Variants in PLEKHH2 observed in about 807,000 individuals in gnomAD.
PLEKHH2 encodes the protein pleckstrin homology domain-containing family H member 2.
In PLEKHH2, 129 loss-of-function variants were observed where a neutral mutation model predicts 187.9. The observed-to-expected ratio is 0.69, with a 90% CI of 0.59 to 0.79. The LOEUF (loss-of-function observed/expected upper bound fraction) is 0.79, where lower values mean the gene tolerates loss of function less well. PLEKHH2 is among the 30% of genes least tolerant of loss of function. PLEKHH2 has a pLI of 0.00. For synonymous variants in PLEKHH2, 686 were observed against 605.6 expected, an observed-to-expected ratio of 1.13 and a Z score of -1.95; for missense variants, 2,076 against 1,751.2, an observed-to-expected ratio of 1.19 and a Z score of -3.31.
chr2:43,692,042 T>C (rs963024435), intron 3 of PLEKHH2, among the ~76,000 whole-genome samples: 1 of 152,214 alleles, frequency 6.6e-6, no homozygotes, highest in African/African-American at 2.4e-5. Context: ...TTAAGGTTGT[T>C]TTCCCACCCC....
intron 15 of PLEKHH2, among the ~76,000 whole-genome samples, chr2:43,717,364 G>C (rs967471101): frequency 6.6e-6 from 1 of 152,174 alleles, no homozygotes; most frequent in African/African-American, 2.4e-5. Flanking sequence ...GTTGCAGTGA[G>C]CCAAGATTGT....
chr2:43,714,300 A>G (rs1427512216), intron 15 of PLEKHH2, among the ~76,000 whole-genome samples: 1 of 152,178 alleles, frequency 6.6e-6, no homozygotes, highest in Non-Finnish European at 1.5e-5. Flanking sequence ...CCCATTTCAC[A>G]ATTGCATTTT....
intron 3 of PLEKHH2, among the ~76,000 whole-genome samples, chr2:43,687,921 T>A (rs555391132): frequency 3.9e-5 from 6 of 152,266 alleles, no homozygotes; most frequent in Non-Finnish European, 7.4e-5. Context: ...TTCGGCCTTT[T>A]GAGTAGCTGG....
intron 28 of PLEKHH2, among the ~76,000 whole-genome samples, chr2:43,763,586 A>ATT (rs541418802): frequency 1.4e-4 from 18 of 130,352 alleles, no homozygotes; most frequent in African/African-American, 1.7e-4. Context: ...TGCCCGGCTA[A>ATT]TTTTTTTTTT....
rs760565789 is a variant in PLEKHH2 at position 43,675,744 on chromosome 2, T to C, written c.124-3119T>C. The C allele has an allele frequency of 5.0e-6, 8 of 1,613,798 alleles. No individual in the cohort carries two copies. In the South Asian group the frequency reaches 8.8e-5, roughly 18 times the overall value. On this transcript the variant is annotated intron_variant, in intron 2 of 29. Coordinates refer to ENST00000282406, the MANE Select transcript of PLEKHH2 (RefSeq NM_172069.4). The stretch of plus-strand genomic sequence containing the variant: ...AGTTATCGAGAAGTCTGTTAAGTCT[T>C]TTCATCAACTCTCTGCTTAAGACAA...
At chr2:43,723,122 G>C (rs1012805085) in intron 16 of PLEKHH2, among the ~76,000 whole-genome samples, 1 of 152,090 alleles carries the variant, frequency 6.6e-6, no homozygotes, top group African/African-American at 2.4e-5. Flanking sequence ...TCATATCATT[G>C]TGCCTAAAGT....
intron 14 of PLEKHH2, 21 bp from the exon 15 acceptor site, chr2:43,712,204 A>T (rs745369689): frequency 6.2e-7 from 1 of 1,606,570 alleles, no homozygotes; most frequent in Non-Finnish European, 8.5e-7. Context: ...TCTTTCCTAT[A>T]CCTTTCTCGT....
chr2:43,726,851 T>C lies in PLEKHH2; in HGVS notation c.2721+400T>C, dbSNP rs147270870. Among the ~76,000 whole-genome samples the C allele has an allele frequency of 3.3e-5, 5 of 152,342 alleles. No individual in the cohort carries two copies. The East Asian group carries it at 9.6e-4, about 29-fold the overall frequency. On this transcript the variant is annotated intron_variant, in intron 17 of 29. Coordinates refer to ENST00000282406, the MANE Select transcript of PLEKHH2 (RefSeq NM_172069.4). ...TATTATATGTACATGTAGTCATTTA[T>C]GATAAAGGAGGTATCACAAATTAAT...
chr2:43,639,958 G>A (rs1703297413), intron 1 of PLEKHH2, among the ~76,000 whole-genome samples: 1 of 151,930 alleles, frequency 6.6e-6, no homozygotes, highest in African/African-American at 2.4e-5. Context: ...CACCCAGCCA[G>A]ATCTACTACA....
intron 2 of PLEKHH2, among the ~76,000 whole-genome samples, chr2:43,676,524 G>C (rs905922085): frequency 3.3e-5 from 5 of 152,020 alleles, no homozygotes; most frequent in African/African-American, 7.3e-5. Flanking sequence ...GCTGCTGCGG[G>C]TGAGAGGTAT....
At chr2:43,743,219 G>A (rs1232739289) in intron 22 of PLEKHH2, among the ~76,000 whole-genome samples, 1 of 152,174 alleles carries the variant, frequency 6.6e-6, no homozygotes, top group Non-Finnish European at 1.5e-5. Flanking sequence ...CCTCCTAGGT[G>A]TGGAAATAAT....
intron 2 of PLEKHH2, among the ~76,000 whole-genome samples, chr2:43,660,539 T>C (rs1250408920): frequency 6.9e-6 from 1 of 144,866 alleles, no homozygotes; most frequent in African/African-American, 2.7e-5. Flanking sequence ...TACATATGTA[T>C]AAATGTGCCA....
At chr2:43,648,623 C>T (rs1666307951) in intron 2 of PLEKHH2, among the ~76,000 whole-genome samples, 1 of 150,806 alleles carries the variant, frequency 6.6e-6, no homozygotes, top group East Asian at 2.0e-4. Context: ...CTCTGTTGCC[C>T]AGGCTGGAGT....
At chr2:43,753,876 T>C in intron 25 of PLEKHH2, 116 bp downstream of exon 25, 5 of 920,028 alleles carry the variant, frequency 5.4e-6, no homozygotes, top group Non-Finnish European at 7.6e-6. Context: ...TTGCTACAAT[T>C]AGCACCTTAA....
At chr2:43,671,187 A>G (rs896802283) in intron 2 of PLEKHH2, among the ~76,000 whole-genome samples, 1 of 151,910 alleles carries the variant, frequency 6.6e-6, no homozygotes, top group Non-Finnish European at 1.5e-5. Context: ...GGGTTTTACC[A>G]TGTTGGCCAG....
intron 2 of PLEKHH2, among the ~76,000 whole-genome samples, chr2:43,658,281 T>G (rs1666890767): frequency 2.0e-5 from 3 of 152,242 alleles, no homozygotes; most frequent in Admixed American, 2.0e-4. Context: ...TTTTTCACAC[T>G]TACGTGTATT....
At chr2:43,744,487 G>A (rs1050644527) in intron 23 of PLEKHH2, among the ~76,000 whole-genome samples, 2 of 152,182 alleles carry the variant, frequency 1.3e-5, no homozygotes, top group Non-Finnish European at 2.9e-5. Context: ...TTTTGAGAGT[G>A]CTGTGAACTT....
At chr2:43,658,412 A>C (rs1055680366) in intron 2 of PLEKHH2, among the ~76,000 whole-genome samples, 1 of 152,258 alleles carries the variant, frequency 6.6e-6, no homozygotes. Flanking sequence ...AAATGACTCC[A>C]AAATTTCATG....
chr2:43,754,854 G>T (rs902325432), intron 25 of PLEKHH2, among the ~76,000 whole-genome samples: 9 of 146,770 alleles, frequency 6.1e-5, no homozygotes, highest in Middle Eastern at 7.0e-3. Context: ...TTTTTTATGG[G>T]CTCCTTAAAA....
Sources: allele counts gnomAD v4.1 joint callset (sites outside exome capture counted in the v4.1 genomes callset), GRCh38; gene constraint gnomAD v4.1.1; transcripts MANE v1.5; gene names NCBI Gene and HGNC (gene_info 2026-07-23, HGNC 2026-07-21).